PDE10A: variants seen among roughly 807,000 people sequenced by gnomAD.
PDE10A encodes the protein phosphodiesterase 10A.
PDE10A carries 39 observed loss-of-function variants against 97.7 expected under a neutral mutation model. The observed-to-expected ratio is 0.40, with a 90% CI of 0.31 to 0.52. PDE10A has a LOEUF of 0.52. PDE10A is among the 20% of genes least tolerant of loss of function. The probability of loss-of-function intolerance (pLI) is 0.56; values close to 1 mark genes in which losing one functional copy is unlikely to be tolerated. For missense variants in PDE10A, 731 were observed against 1,047.8 expected, an observed-to-expected ratio of 0.70 and a Z score of 4.17; for synonymous variants, 371 against 376.8, an observed-to-expected ratio of 0.98 and a Z score of 0.18.
chr6:165,755,844 A>G (rs1401225576), intron 1 of PDE10A, among the ~76,000 whole-genome samples: 2 of 152,198 alleles, frequency 1.3e-5, no homozygotes, highest in Non-Finnish European at 2.9e-5. Flanking sequence ...GTTCTGAAGA[A>G]AGCACAAGAG....
At chr6:165,473,866 T>C (rs1779149578) in intron 3 of PDE10A, among the ~76,000 whole-genome samples, 1 of 152,252 alleles carries the variant, frequency 6.6e-6, no homozygotes. Context: ...TGTGCTTGTA[T>C]AATAATTATC....
chr6:165,518,826 A>ATG, intron 2 of PDE10A, among the ~76,000 whole-genome samples: 1 of 152,172 alleles, frequency 6.6e-6, no homozygotes, highest in Non-Finnish European at 1.5e-5. Context: ...GCAGCACAAG[A>ATG]TAAGTGCTTC....
chr6:165,392,684 T>C lies in PDE10A; in HGVS notation c.2416A>G (p.Ile806Val), dbSNP rs1785814637. ...AVTVAHCMYA[I>V]LQNNHTLFTD... ...AAAAGCGTGTGATTGTTCTGAAGTATGGCATACATGCAGTGTGCTACAGTG... is the reference window on the plus strand; with the variant it reads ...AAAAGCGTGTGATTGTTCTGAAGTACGGCATACATGCAGTGTGCTACAGTG... The change falls in exon 16 of 22, where the codon ATA becomes GTA. Residue 806 changes from isoleucine to valine, a missense_variant. Around this residue, in one of 8 missense-constraint regions of PDE10A, gnomAD observed 131 missense variants for 187.4 expected, o/e 0.70. Coordinates refer to ENST00000539869, the MANE Select transcript of PDE10A (RefSeq NM_001385079.1). 6.2e-7 allele frequency: 1 copy of C among 1,614,086 alleles called. No individual in the cohort carries two copies. Among genetic ancestry groups the C allele is most frequent in the East Asian group, 2.2e-5 (1 of 44,876 alleles).
At chr6:165,530,432 C>A in intron 2 of PDE10A, among the ~76,000 whole-genome samples, 1 of 150,996 alleles carries the variant, frequency 6.6e-6, no homozygotes, top group East Asian at 2.0e-4. Context: ...TTAAACAAAC[C>A]AACAAGCGAA....
At chr6:165,829,185 C>T (rs535310619) in intron 1 of PDE10A, among the ~76,000 whole-genome samples, 7 of 152,304 alleles carry the variant, frequency 4.6e-5, no homozygotes, top group Admixed American at 6.5e-5. Flanking sequence ...TGCTCTCCAG[C>T]GCATCAGAGC....
At chr6:165,904,371 C>T (rs1002677983) in intron 1 of PDE10A, among the ~76,000 whole-genome samples, 3 of 152,036 alleles carry the variant, frequency 2.0e-5, no homozygotes, top group Non-Finnish European at 4.4e-5. Flanking sequence ...AAGGAAGTCT[C>T]TATGATTGAT....
At chr6:165,909,222 C>A (rs1480850957) in intron 1 of PDE10A, 1 of 152,260 alleles carries the variant, frequency 6.6e-6, no homozygotes, top group Non-Finnish European at 1.5e-5. Context: ...CCTGACTTTA[C>A]ACACTCCCAG....
At chr6:165,480,390 C>T (rs1002717048) in intron 3 of PDE10A, among the ~76,000 whole-genome samples, 3 of 151,998 alleles carry the variant, frequency 2.0e-5, no homozygotes, top group Non-Finnish European at 2.9e-5. Context: ...GAGTTCAACA[C>T]TAGCTTGGGC....
chr6:165,617,332 G>A (rs1451722513), intron 1 of PDE10A, among the ~76,000 whole-genome samples: 3 of 152,136 alleles, frequency 2.0e-5, no homozygotes, highest in Non-Finnish European at 4.4e-5. Context: ...ACACTCTTAA[G>A]TTCAATATGA....
At chr6:165,775,990 C>G (rs1159382795) in intron 1 of PDE10A, among the ~76,000 whole-genome samples, 1 of 152,098 alleles carries the variant, frequency 6.6e-6, no homozygotes, top group African/African-American at 2.4e-5. Context: ...TCAACATTGC[C>G]AGAGTTTTCA....
chr6:165,588,291 T>C lies in PDE10A; in HGVS notation c.866-44723A>G, dbSNP rs563094677. Among the ~76,000 whole-genome samples the C allele has an allele frequency of 2.0e-3, 289 of 146,324 alleles. 6 individuals are homozygous for C. Among genetic ancestry groups the C allele is most frequent in the African/African-American group, 6.9e-3 (274 of 39,694 alleles). ...GTGAGATTTTTTTTTCTTTTTTTTTTTTTTTTTTTTTTTTTTGAGATGGAG... is the reference window on the plus strand; with the variant it reads ...GTGAGATTTTTTTTTCTTTTTTTTTCTTTTTTTTTTTTTTTTGAGATGGAG... On this transcript the variant is annotated intron_variant, in intron 1 of 21. Coordinates refer to ENST00000539869, the MANE Select transcript of PDE10A (RefSeq NM_001385079.1).
intron 3 of PDE10A, among the ~76,000 whole-genome samples, chr6:165,457,184 A>G (rs1778002629): frequency 6.6e-6 from 1 of 152,350 alleles, no homozygotes; most frequent in Non-Finnish European, 1.5e-5. Flanking sequence ...AATAACAATT[A>G]CAATAAGTAT....
At chr6:165,695,538 G>A (rs750157226) in intron 1 of PDE10A, among the ~76,000 whole-genome samples, 14 of 152,176 alleles carry the variant, frequency 9.2e-5, no homozygotes, top group East Asian at 3.9e-4. Context: ...ATGCCCTGCC[G>A]CCTGTTGCTG....
intron 2 of PDE10A, among the ~76,000 whole-genome samples, chr6:165,541,245 C>T (rs115154138): frequency 0.025 from 3,854 of 152,034 alleles, 64 homozygotes; most frequent in African/African-American, 0.029. Flanking sequence ...CTCCAAGTCA[C>T]ATCTCACTCA....
chr6:165,363,728 A>G (rs754098031), intron 18 of PDE10A, among the ~76,000 whole-genome samples: 1 of 152,178 alleles, frequency 6.6e-6, no homozygotes, highest in Non-Finnish European at 1.5e-5. Context: ...ATTTCTACAT[A>G]CTAACAATAA....
At chr6:165,343,159 G>A (rs1329467952) in intron 19 of PDE10A, among the ~76,000 whole-genome samples, 1 of 152,164 alleles carries the variant, frequency 6.6e-6, no homozygotes, top group Non-Finnish European at 1.5e-5. Flanking sequence ...CAGTGAGTAA[G>A]TTCCTAAACT....
chr6:165,757,931 T>G (rs1027830242), intron 1 of PDE10A, among the ~76,000 whole-genome samples: 2 of 152,216 alleles, frequency 1.3e-5, no homozygotes, highest in African/African-American at 2.4e-5. Flanking sequence ...TCTAATTTTT[T>G]AAAGTATACA....
At chr6:165,552,716 C>G (rs188190258) in intron 1 of PDE10A, among the ~76,000 whole-genome samples, 1 of 152,144 alleles carries the variant, frequency 6.6e-6, no homozygotes, top group Non-Finnish European at 1.5e-5. Flanking sequence ...TTGTATCCTT[C>G]GGCTCTCATC....
intron 18 of PDE10A, among the ~76,000 whole-genome samples, chr6:165,354,110 C>G (rs1350496400): frequency 6.6e-6 from 1 of 152,014 alleles, no homozygotes; most frequent in Non-Finnish European, 1.5e-5. Flanking sequence ...AAGATAAATG[C>G]CCACATCAGA....
Sources: allele counts gnomAD v4.1 joint callset (sites outside exome capture counted in the v4.1 genomes callset), GRCh38; gene constraint gnomAD v4.1.1; regional missense constraint gnomAD v4.1.1; transcripts MANE v1.5; gene names NCBI Gene and HGNC (gene_info 2026-07-23, HGNC 2026-07-21).